The following NRG1 variants were observed in gnomAD, a reference collection of about 807,000 sequenced individuals.
NRG1 encodes the protein neuregulin 1.
In NRG1, 18 loss-of-function variants were observed where a neutral mutation model predicts 63.8. The observed-to-expected ratio is 0.28, with a 90% CI of 0.19 to 0.42. NRG1 has a LOEUF of 0.42. Among genes scored for constraint, NRG1 ranks in the 10% least tolerant of loss-of-function variants. The probability of loss-of-function intolerance (pLI) is 1.00; values close to 1 mark genes in which losing one functional copy is unlikely to be tolerated. For missense variants in NRG1, 762 were observed against 814.7 expected (o/e 0.94, Z 0.79); for synonymous variants, 302 against 301.3 (o/e 1.00, Z -0.02).
intron 1 of NRG1, among the ~76,000 whole-genome samples, chr8:32,024,562 T>G (rs1320231245): frequency 2.0e-5 from 3 of 152,176 alleles, no homozygotes; most frequent in Non-Finnish European, 2.9e-5. Flanking sequence ...CAATGGAGAT[T>G]TATTAAATAA....
At chr8:32,429,963 C>T (rs181516490) in intron 1 of NRG1, among the ~76,000 whole-genome samples, 98 of 152,216 alleles carry the variant, frequency 6.4e-4, no homozygotes, top group African/African-American at 2.3e-3. Flanking sequence ...CTTTGTAGTT[C>T]AAAAAGGTTA....
chr8:31,796,618 A>G (rs1452926789), intron 1 of NRG1, among the ~76,000 whole-genome samples: 1 of 151,474 alleles, frequency 6.6e-6, no homozygotes, highest in East Asian at 2.0e-4. Flanking sequence ...CTGTATTTTT[A>G]GTAGAGATGG....
chr8:32,025,686 G>A (rs1315922987), intron 1 of NRG1, among the ~76,000 whole-genome samples: 3 of 151,810 alleles, frequency 2.0e-5, no homozygotes, highest in South Asian at 2.1e-4. Context: ...AGTGGCTCAC[G>A]CCTGTAATCC....
intron 1 of NRG1, among the ~76,000 whole-genome samples, chr8:32,226,025 A>T (rs1379410282): frequency 6.6e-6 from 1 of 152,248 alleles, no homozygotes; most frequent in Non-Finnish European, 1.5e-5. Flanking sequence ...ATTTTTAAAA[A>T]TTCTTCATGT....
chr8:31,737,498 GATAA>G (rs1347718899), intron 1 of NRG1, among the ~76,000 whole-genome samples: 3 of 152,120 alleles, frequency 2.0e-5, no homozygotes, highest in East Asian at 1.9e-4. Flanking sequence ...TTATTGAACA[GATAA>G]ATGAATGAAT....
intron 5 of NRG1, among the ~76,000 whole-genome samples, chr8:32,700,216 A>G (rs1814485336): frequency 6.6e-6 from 1 of 152,130 alleles, no homozygotes; most frequent in Non-Finnish European, 1.5e-5. Context: ...TTGCCTCCCC[A>G]TATATATTGG....
chr8:31,967,057 T>A (rs1806467196), intron 1 of NRG1, among the ~76,000 whole-genome samples: 1 of 152,304 alleles, frequency 6.6e-6, no homozygotes, highest in African/African-American at 2.4e-5. Flanking sequence ...TATTTAGTGA[T>A]TATGTGCTAC....
chr8:31,652,814 T>G (rs2130889269), intron 1 of NRG1, among the ~76,000 whole-genome samples: 1 of 152,350 alleles, frequency 6.6e-6, no homozygotes, highest in Middle Eastern at 3.4e-3. Context: ...AAAAGTGTTG[T>G]ATAATACATG....
chr8:32,500,055 A>G (rs977707423), intron 1 of NRG1, among the ~76,000 whole-genome samples: 3 of 152,278 alleles, frequency 2.0e-5, no homozygotes, highest in East Asian at 1.9e-4. Flanking sequence ...TCTTTCTACA[A>G]TCACCCCCAA....
chr8:32,751,584 C>T (rs988269338), intron 7 of NRG1, among the ~76,000 whole-genome samples: 2 of 152,138 alleles, frequency 1.3e-5, no homozygotes, highest in African/African-American at 4.8e-5. Flanking sequence ...TGAGCCAAAC[C>T]ATGAAAAATT....
At chr8:31,848,639 G>C (rs573803216) in intron 1 of NRG1, among the ~76,000 whole-genome samples, 1 of 152,152 alleles carries the variant, frequency 6.6e-6, no homozygotes, top group Admixed American at 6.6e-5. Context: ...TCTGAGCCCT[G>C]CTTCCTGTCA....
At chr8:31,789,642 T>C (rs1274632855) in intron 1 of NRG1, among the ~76,000 whole-genome samples, 3 of 152,134 alleles carry the variant, frequency 2.0e-5, no homozygotes, top group Admixed American at 6.5e-5. Flanking sequence ...GTAACTTCAG[T>C]GTGATGGTTG....
At position 32,214,212 on chromosome 8, in the gene NRG1, C is replaced by G. The variant is rs370114468; in HGVS notation, c.38-381616C>G. 1.3e-3 allele frequency among the ~76,000 whole-genome samples: 194 copies of G among 152,144 alleles called. 1 individual carries two copies. Among genetic ancestry groups the G allele is most frequent in the African/African-American group, 4.5e-3 (186 of 41,522 alleles). On this transcript the variant is annotated intron_variant, in intron 1 of 10. Coordinates refer to the NRG1 transcript ENST00000519301. ...AGCTTTTCTTATAGCTGTTTTCTCTCAAAATTCTGTCTTCACATCAAAATA... is the reference window on the plus strand; with the variant it reads ...AGCTTTTCTTATAGCTGTTTTCTCTGAAAATTCTGTCTTCACATCAAAATA...
intron 1 of NRG1, among the ~76,000 whole-genome samples, chr8:32,439,113 G>T (rs577303368): frequency 4.7e-4 from 71 of 152,176 alleles, no homozygotes; most frequent in Non-Finnish European, 9.4e-4. Context: ...CCTAGATAAT[G>T]TAAAATCATT....
chr8:31,957,898 A>G (rs1442303329), intron 1 of NRG1, among the ~76,000 whole-genome samples: 1 of 152,202 alleles, frequency 6.6e-6, no homozygotes. Context: ...GCAGAGAAGA[A>G]TATGTTGAGT....
At chr8:32,376,129 G>A (rs1482413661) in intron 1 of NRG1, among the ~76,000 whole-genome samples, 1 of 152,158 alleles carries the variant, frequency 6.6e-6, no homozygotes, top group Non-Finnish European at 1.5e-5. Context: ...CAATGAAGCT[G>A]TAAAAGAAAG....
At chr8:32,023,763 T>C (rs958269302) in intron 1 of NRG1, among the ~76,000 whole-genome samples, 1 of 152,088 alleles carries the variant, frequency 6.6e-6, no homozygotes, top group Admixed American at 6.5e-5. Flanking sequence ...AGAAAAGGCT[T>C]GAGGCAGGAT....
chr8:32,479,067 C>A (rs1824892565), intron 1 of NRG1, among the ~76,000 whole-genome samples: 1 of 152,104 alleles, frequency 6.6e-6, no homozygotes, highest in Non-Finnish European at 1.5e-5. Flanking sequence ...TAAATCTATA[C>A]CTAATTCATA....
chr8:32,426,354 A>T (rs1817373732), intron 1 of NRG1, among the ~76,000 whole-genome samples: 1 of 152,214 alleles, frequency 6.6e-6, no homozygotes, highest in Non-Finnish European at 1.5e-5. Flanking sequence ...TATATGCCAT[A>T]AAAAATCTGA....
Sources: allele counts gnomAD v4.1 joint callset (sites outside exome capture counted in the v4.1 genomes callset), GRCh38; gene constraint gnomAD v4.1.1; transcripts MANE v1.5; gene names NCBI Gene and HGNC (gene_info 2026-07-23, HGNC 2026-07-21).